Variants in SLC28A2 observed in about 807,000 individuals in gnomAD.
The protein encoded by SLC28A2 is sodium/nucleoside cotransporter 2.
A neutral mutation model predicts 72.9 loss-of-function variants in SLC28A2; 69 were observed. The ratio of observed to expected loss-of-function variants is 0.95; its 90% CI spans 0.78 to 1.16. SLC28A2 has a LOEUF of 1.16. Among genes scored for constraint, SLC28A2 ranks in the 50% most tolerant of loss-of-function variants. SLC28A2 has a pLI of 0.00. For synonymous variants in SLC28A2, 296 were observed against 294.1 expected, an observed-to-expected ratio of 1.01 and a Z score of -0.07; for missense variants, 745 against 791.1, an observed-to-expected ratio of 0.94 and a Z score of 0.70.
At position 45,272,797 on chromosome 15, in the gene SLC28A2, AC is replaced by A; in HGVS notation, c.1859+17del. ...GGCTCTTTCAGAGGTGAGCACCAGG[AC>A]CCCATTCCTTTCTCTCACACACGGC... On this transcript the variant is annotated intron_variant, in intron 17 of 17. Coordinates refer to ENST00000347644, the MANE Select transcript of SLC28A2 (RefSeq NM_004212.4). The A allele has an allele frequency of 7.2e-7, 1 of 1,394,848 alleles. No individual in the cohort carries two copies. Among genetic ancestry groups the A allele is most frequent in the African/African-American group, 1.4e-5 (1 of 70,582 alleles). 86.4% of individuals were successfully genotyped at this position (1,394,848 alleles called of 1,614,324 possible). A position where few individuals can be genotyped will look rare whatever the true frequency, so the allele number is the denominator to read the frequency against.
Position 45,268,395 on chromosome 15 carries a change from G to C in SLC28A2, c.1368+17G>C. ...ACTTTCCAGGTAAAGGATTACATTT[G>C]TTGGGCTGTCCCTCTGGGATGTGGT... On this transcript the variant is annotated intron_variant, in intron 13 of 17. Transcript: ENST00000347644. 1 of 1,570,804 alleles carries C rather than the reference G, an allele frequency of 6.4e-7. No homozygotes were observed. The highest frequency in any genetic ancestry group is 8.7e-7 in the Non-Finnish European group (1 of 1,148,158).
intron 3 of SLC28A2, among the ~76,000 whole-genome samples, chr15:45,257,614 T>A (rs1344623043): frequency 6.6e-6 from 1 of 152,238 alleles, no homozygotes; most frequent in Non-Finnish European, 1.5e-5. Flanking sequence ...TTTAAGTATT[T>A]ATTTCTTTTT....
chr15:45,252,358 A>G (rs1899819461), intron 1 of SLC28A2, 80 bp downstream of exon 1: 1 of 452,920 alleles, frequency 2.2e-6, no homozygotes, highest in Non-Finnish European at 4.4e-6. Context: ...AAATGCAGGT[A>G]GTTTTGTGCC....
At chr15:45,252,476 GA>G (rs897112201) in intron 1 of SLC28A2, among the ~76,000 whole-genome samples, 198 bp downstream of exon 1, 11 of 152,326 alleles carry the variant, frequency 7.2e-5, no homozygotes, top group Non-Finnish European at 1.3e-4. Context: ...ATTCCATGGG[GA>G]AGGGAATTTT....
Position 45,253,192 on chromosome 15 carries a change from T to G in SLC28A2, c.-16-8T>G, listed in dbSNP as rs781307293. On this transcript the variant is annotated splice_polypyrimidine_tract_variant and splice_region_variant and intron_variant, in intron 1 of 17. Transcript: ENST00000347644. The stretch of plus-strand genomic sequence containing the variant: ...TCTTTCAGGCTTGGCCCTGAATTTG[T>G]TTTTCAGTTGAGGAGAACAGGAGAT... 88 of 1,589,096 alleles carry G rather than the reference T, an allele frequency of 5.5e-5. No homozygotes were observed. Among genetic ancestry groups the G allele is most frequent in the Non-Finnish European group, 7.5e-5 (87 of 1,158,286 alleles).
chr15:45,266,153 G>A lies in SLC28A2; in HGVS notation c.934G>A (p.Val312Met). Residue 312 changes from valine (V) to methionine (M), a missense_variant, in exon 10 of 18, where the codon GTG (valine) becomes ATG (methionine). By Grantham distance (21) the Val-to-Met change is conservative (BLOSUM62 1). Coordinates refer to ENST00000347644, the MANE Select transcript of SLC28A2 (RefSeq NM_004212.4). ...ETLAVAGNIF[V>M]GMTEAPLLIR... is the part of the protein sequence containing the mutation. ...CCTGGCTGTGGCAGGAAACATCTTTGTGGGTATGGTAAGCACCTTGAGGAC... is the reference window on the plus strand; with the variant it reads ...CCTGGCTGTGGCAGGAAACATCTTTATGGGTATGGTAAGCACCTTGAGGAC... 6.2e-7 allele frequency: 1 copy of A among 1,612,354 alleles called. No homozygotes were observed. The highest frequency in any genetic ancestry group is 8.5e-7 in the Non-Finnish European group (1 of 1,178,380).
intron 4 of SLC28A2, 58 bp downstream of exon 4, chr15:45,262,164 G>T (rs1211591015): frequency 1.6e-6 from 2 of 1,248,868 alleles, no homozygotes; most frequent in African/African-American, 2.9e-5. Context: ...AATTTGCCTT[G>T]TGTCAAGGTG....
rs1322576456 is a variant in SLC28A2 at position 45,277,115 on chromosome 15, G to A, written c.*1602G>A. ...TGCTACTAAAATTCCTATAACCAAA[G>A]GTCAGCTCTCCCACAACGAAGAATT... is the stretch of plus-strand genomic sequence containing the variant. On this transcript the variant is annotated 3_prime_UTR_variant, in exon 18 of 18. Coordinates refer to ENST00000347644, the MANE Select transcript of SLC28A2 (RefSeq NM_004212.4). 6.6e-6 allele frequency: 1 copy of A among 151,834 alleles called. No individual in the cohort carries two copies. The highest frequency in any genetic ancestry group is 1.5e-5 in the Non-Finnish European group (1 of 67,984). 9.4% of individuals were successfully genotyped at this position (151,834 alleles called of 1,614,324 possible).
intron 13 of SLC28A2, 25 bp downstream of exon 13, chr15:45,268,403 G>T (rs768695361): frequency 6.4e-7 from 1 of 1,557,672 alleles, no homozygotes; most frequent in South Asian, 1.2e-5. Flanking sequence ...TTGTTGGGCT[G>T]TCCCTCTGGG....
intron 3 of SLC28A2, among the ~76,000 whole-genome samples, chr15:45,256,797 C>G (rs972726452): frequency 6.6e-6 from 1 of 152,130 alleles, no homozygotes; most frequent in Non-Finnish European, 1.5e-5. Context: ...ACATAGATTT[C>G]TTGTTTCCAG....
At chr15:45,264,821 A>G in intron 7 of SLC28A2, 53 bp downstream of exon 7, 1 of 1,087,458 alleles carries the variant, frequency 9.2e-7, no homozygotes, top group Non-Finnish European at 1.4e-6. Context: ...TAGAGAAAGG[A>G]GATTTGAGAG....
At chr15:45,257,255 A>G (rs932090950) in intron 3 of SLC28A2, among the ~76,000 whole-genome samples, 33 of 152,134 alleles carry the variant, frequency 2.2e-4, no homozygotes, top group African/African-American at 7.2e-5. Context: ...CCTCAACCTC[A>G]CTGGCCCCAG....
chr15:45,263,394 A>C, intron 5 of SLC28A2, 150 bp downstream of exon 5: 2 of 710,522 alleles, frequency 2.8e-6, no homozygotes, highest in Non-Finnish European at 4.5e-6. Context: ...GCCTCTGAGC[A>C]CAGGACCTCA....
At chr15:45,265,333 G>A (rs1333540605) in intron 8 of SLC28A2, among the ~76,000 whole-genome samples, 167 bp downstream of exon 8, 1 of 152,184 alleles carries the variant, frequency 6.6e-6, no homozygotes, top group Non-Finnish European at 1.5e-5. Flanking sequence ...CTTCTTCCCT[G>A]TGGTCATTGC....
Position 45,275,804 on chromosome 15 carries a change from G to A in SLC28A2, c.*291G>A, listed in dbSNP as rs2458226. 0.047 allele frequency: 9,691 copies of A among 206,080 alleles called. 984 individuals are homozygous for A. Among genetic ancestry groups the A allele is most frequent in the African/African-American group, 0.21 (9,174 of 42,914 alleles). The allele number at this position is 206,080 out of a possible 1,614,324, so 12.8% of individuals were successfully genotyped here. A position where few individuals can be genotyped will look rare whatever the true frequency, so the allele number is the denominator to read the frequency against. On this transcript the variant is annotated 3_prime_UTR_variant, in exon 18 of 18. Coordinates refer to ENST00000347644, the MANE Select transcript of SLC28A2 (RefSeq NM_004212.4). ...CAAAAAATTAGCCGGGAGTGGTGTC[G>A]GGCGACTGTAGTCCCAGCTACTCGC... is the stretch of plus-strand genomic sequence containing the variant.
At chr15:45,257,145 C>G (rs1427364744) in intron 3 of SLC28A2, among the ~76,000 whole-genome samples, 1 of 152,132 alleles carries the variant, frequency 6.6e-6, no homozygotes, top group Non-Finnish European at 1.5e-5. Context: ...AGTGTACTGT[C>G]TTCATTTTTT....
chr15:45,272,560 T>C (rs1900608266), intron 16 of SLC28A2, 113 bp from the exon 17 acceptor site: 2 of 831,750 alleles, frequency 2.4e-6, no homozygotes, highest in Non-Finnish European at 4.0e-6. Context: ...ATTCCACAGA[T>C]ACATGGCAAA....
In SLC28A2 at chr15:45,275,434, G is replaced by A. The variant is rs747113769; in HGVS notation, c.1898G>A (p.Gly633Asp). 6.2e-6 allele frequency: 10 copies of A among 1,613,626 alleles called. No individual in the cohort carries two copies. Among genetic ancestry groups the A allele is most frequent in the East Asian group, 4.5e-5 (2 of 44,870 alleles). Residue 633 changes from glycine to aspartate, a missense_variant, in exon 18 of 18, where the codon GGT becomes GAT. Physicochemically the swap from Gly to Asp is moderately conservative, Grantham distance 94 (BLOSUM62 -1). Transcript: ENST00000347644. Reference protein sequence around the residue: ...LNGTNPPSFSGPWEDKEFSAM... With the variant: ...LNGTNPPSFSDPWEDKEFSAM... ...GGCACCAACCCTCCTTCTTTTTCTG[G>A]TCCCTGGGAAGATAAGGAGTTCAGT...
intron 3 of SLC28A2, among the ~76,000 whole-genome samples, chr15:45,261,493 A>G (rs1340313704): frequency 2.0e-5 from 3 of 152,236 alleles, no homozygotes; most frequent in Non-Finnish European, 4.4e-5. Flanking sequence ...TGTTAAATCA[A>G]ACTTGAATAT....
Sources: gnomAD v4.1 joint callset for allele counts (sites outside exome capture counted in the v4.1 genomes callset) on GRCh38, gnomAD v4.1.1 for gene constraint, MANE v1.5 for transcripts, NCBI Gene and HGNC (gene_info 2026-07-23, HGNC 2026-07-21) for gene names.